Variants in TCF12 observed in about 807,000 individuals in gnomAD.
TCF12 encodes the protein DNA-binding protein HTF4.
Under a neutral mutation model 86.0 loss-of-function variants are expected in TCF12, and 45 were observed. The observed-to-expected ratio is 0.52, with a 90% CI of 0.41 to 0.67. The LOEUF (loss-of-function observed/expected upper bound fraction) is 0.67, where lower values mean the gene tolerates loss of function less well. Among genes scored for constraint, TCF12 ranks in the 30% least tolerant of loss-of-function variants. The pLI is 0.00. For synonymous variants in TCF12, 330 were observed against 299.6 expected (o/e 1.10, Z -1.05); for missense variants, 881 against 859.9 (o/e 1.02, Z -0.31).
intron 5 of TCF12, among the ~76,000 whole-genome samples, chr15:57,133,627 T>TG (rs1158416976): frequency 2.0e-5 from 3 of 148,150 alleles, no homozygotes; most frequent in East Asian, 1.9e-4. Flanking sequence ...GTAATGTGTT[T>TG]TTTTTTTTTT....
intron 5 of TCF12, among the ~76,000 whole-genome samples, chr15:57,153,472 C>G (rs114601928): frequency 1.3e-5 from 2 of 152,126 alleles, no homozygotes; most frequent in African/African-American, 2.4e-5. Flanking sequence ...AATGAGAGCT[C>G]CAGAAATGGT....
intron 12 of TCF12, among the ~76,000 whole-genome samples, chr15:57,239,512 T>G (rs2059520666): frequency 1.4e-5 from 1 of 70,006 alleles, no homozygotes; most frequent in Non-Finnish European, 3.8e-5. Context: ...CAAGACTCCA[T>G]CTCAAAAAAA....
intron 3 of TCF12, among the ~76,000 whole-genome samples, chr15:56,989,057 T>C (rs1384706566): frequency 6.6e-6 from 1 of 152,144 alleles, no homozygotes; most frequent in Non-Finnish European, 1.5e-5. Context: ...AAAATAACAT[T>C]TTCCAAGAGA....
chr15:57,023,536 C>A (rs1228101128), intron 3 of TCF12, among the ~76,000 whole-genome samples: 1 of 152,026 alleles, frequency 6.6e-6, no homozygotes, highest in African/African-American at 2.4e-5. Context: ...TACCAAGAGC[C>A]AATTATATTG....
At chr15:57,094,620 A>G (rs2049198597) in intron 5 of TCF12, among the ~76,000 whole-genome samples, 2 of 152,304 alleles carry the variant, frequency 1.3e-5, no homozygotes, top group Non-Finnish European at 1.5e-5. Context: ...CTCTGCTGAG[A>G]TGTGTATGGT....
In TCF12 at chr15:57,233,136, G is replaced by A. The variant is rs1413700523; in HGVS notation, c.970+280G>A. ...TATGTTTGTGTATATATGTATATAT[G>A]TATATATATGTGTATATATGTGTGT... On this transcript the variant is annotated intron_variant, in intron 11 of 20. Transcript: ENST00000333725. Among the ~76,000 whole-genome samples, 19 of 149,328 alleles carry A rather than the reference G, an allele frequency of 1.3e-4. No homozygotes were observed. The East Asian group carries it at 1.4e-3, about 11-fold the overall frequency.
chr15:57,105,671 CA>C (rs1480257892), intron 5 of TCF12, among the ~76,000 whole-genome samples: 1 of 152,214 alleles, frequency 6.6e-6, no homozygotes, highest in Admixed American at 6.5e-5. Context: ...CTCAGCCTTC[CA>C]AAGTGCTGGG....
chr15:57,057,273 C>A (rs1297839066), intron 3 of TCF12, among the ~76,000 whole-genome samples: 1 of 152,158 alleles, frequency 6.6e-6, no homozygotes, highest in South Asian at 2.1e-4. Context: ...GGATTCTATC[C>A]TCACTTTCTA....
intron 3 of TCF12, among the ~76,000 whole-genome samples, chr15:57,033,731 TC>T (rs1456324784): frequency 5.3e-5 from 8 of 152,196 alleles, no homozygotes; most frequent in Non-Finnish European, 1.2e-4. Flanking sequence ...TTATTAGCTT[TC>T]TTGCTTATTT....
At chr15:57,197,728 T>A (rs1243315824) in intron 7 of TCF12, 45 bp from the exon 8 acceptor site, 1 of 1,592,580 alleles carries the variant, frequency 6.3e-7, no homozygotes, top group South Asian at 1.2e-5. Context: ...CTTGATTTTT[T>A]TCTGGTATAT....
chr15:56,983,625 T>C (rs1192921131), intron 3 of TCF12, among the ~76,000 whole-genome samples: 2 of 152,108 alleles, frequency 1.3e-5, no homozygotes, highest in East Asian at 1.9e-4. Context: ...AAAATACTAA[T>C]ATGCATTTCA....
intron 5 of TCF12, among the ~76,000 whole-genome samples, chr15:57,165,441 A>G (rs533303698): frequency 3.8e-4 from 58 of 152,288 alleles, no homozygotes; most frequent in African/African-American, 1.4e-3. Flanking sequence ...ACATGAATAT[A>G]TATTTAAGAG....
chr15:57,196,827 C>T (rs1465496630), intron 7 of TCF12, among the ~76,000 whole-genome samples: 2 of 152,272 alleles, frequency 1.3e-5, no homozygotes, highest in Non-Finnish European at 2.9e-5. Context: ...GTTATAGCCA[C>T]ATAATGTTAA....
chr15:57,223,661 T>TATTTTTTTTTTTA (rs2058727741), intron 8 of TCF12, among the ~76,000 whole-genome samples: 1 of 142,516 alleles, frequency 7.0e-6, no homozygotes, highest in Non-Finnish European at 1.6e-5. Context: ...TTTTTTTTTT[T>TATTTTTTTTTTTA]TTTTTTTTTT....
intron 8 of TCF12, chr15:57,214,350 A>G (rs1444611246): frequency 1.3e-5 from 2 of 152,172 alleles, no homozygotes; most frequent in African/African-American, 4.8e-5. Context: ...GGAGGGATAC[A>G]ATTTATTCAC....
At chr15:57,213,227 A>T (rs1438595058) in intron 8 of TCF12, among the ~76,000 whole-genome samples, 2 of 152,222 alleles carry the variant, frequency 1.3e-5, no homozygotes, top group Non-Finnish European at 2.9e-5. Context: ...TTTCAAAGTG[A>T]AGTATTTTTT....
At chr15:57,007,932 GTTTC>G (rs1403460905) in intron 3 of TCF12, among the ~76,000 whole-genome samples, 6 of 97,764 alleles carry the variant, frequency 6.1e-5, no homozygotes, top group African/African-American at 2.3e-4. Context: ...TTGTTTCTTT[GTTTC>G]TTTCTTTTTT....
chr15:56,926,013 GA>G (rs1282952076), intron 3 of TCF12, among the ~76,000 whole-genome samples: 1 of 152,206 alleles, frequency 6.6e-6, no homozygotes, highest in Non-Finnish European at 1.5e-5. Context: ...TCATTGCTCA[GA>G]AAAAGTGGAG....
chr15:57,244,244 G>T (rs1340391004), intron 13 of TCF12, among the ~76,000 whole-genome samples: 2 of 152,118 alleles, frequency 1.3e-5, no homozygotes, highest in Admixed American at 1.3e-4. Flanking sequence ...AAAAGTACAT[G>T]TAACTTCCTC....
Sources: allele counts gnomAD v4.1 joint callset (sites outside exome capture counted in the v4.1 genomes callset), GRCh38; gene constraint gnomAD v4.1.1; transcripts MANE v1.5; gene names NCBI Gene and HGNC (gene_info 2026-07-23, HGNC 2026-07-21).